IFI16: variants seen among roughly 807,000 people sequenced by gnomAD.
The protein encoded by IFI16 is interferon gamma inducible protein 16, also known as gamma-interferon-inducible protein 16.
IFI16 carries 49 observed loss-of-function variants against 68.4 expected under a neutral mutation model. That is an observed-to-expected ratio of 0.72 (90% CI 0.57 to 0.91). The LOEUF (loss-of-function observed/expected upper bound fraction) is 0.91. Ranked by LOEUF, IFI16 falls within the 40% of genes least tolerant of loss-of-function variation. IFI16 has a pLI of 0.00. For synonymous variants in IFI16, 307 were observed against 315.0 expected, an observed-to-expected ratio of 0.97 and a Z score of 0.27; for missense variants, 878 against 942.9, an observed-to-expected ratio of 0.93 and a Z score of 0.90.
rs753509741 is a variant in IFI16, at chr1:159,053,503, C to T, written c.2086-30C>T. On this transcript the variant is annotated intron_variant, in intron 10 of 11. Coordinates refer to ENST00000295809, the MANE Select transcript of IFI16 (RefSeq NM_001376587.1). Reference sequence around the variant, plus strand: ...GATTTGAAAATTATTGATCCAGTTTCAGAAGATAAGTGTTAATTTTCTTTT... The same window carrying T: ...GATTTGAAAATTATTGATCCAGTTTTAGAAGATAAGTGTTAATTTTCTTTT... 6.9e-6 allele frequency: 10 copies of T among 1,457,246 alleles called. No homozygotes were observed. The South Asian group carries it at 7.1e-5, about 10-fold the overall frequency. The allele number at this position is 1,457,246 out of a possible 1,614,324, so 90.3% of individuals were successfully genotyped here.
chr1:159,016,021 C>A, intron 3 of IFI16, 34 bp downstream of exon 3: 1 of 1,386,954 alleles, frequency 7.2e-7, no homozygotes, highest in East Asian at 2.3e-5. Context: ...GCTTCAAGTC[C>A]CACAGAGGAA....
upstream of IFI16, among the ~76,000 whole-genome samples, chr1:159,002,785 T>C (rs1242571015): frequency 3.9e-5 from 6 of 152,156 alleles, no homozygotes; most frequent in Admixed American, 2.0e-4. Flanking sequence ...TAAACATATG[T>C]TGAATCAACT....
rs1202127113 is a variant in IFI16 at position 159,053,402 on chromosome 1, C to G, written c.2086-131C>G. 1.1e-5 allele frequency: 6 copies of G among 543,002 alleles called. No homozygotes were observed. The Admixed American group carries it at 2.0e-4, about 18-fold the overall frequency. 33.6% of individuals were successfully genotyped at this position (543,002 alleles called of 1,614,324 possible). On this transcript the variant is annotated intron_variant, in intron 10 of 11. Transcript: ENST00000295809. ...ACCAAGTATCTTAAGCTATTTGGTACCTGTTATTCAGGACCTACAGCTCTG... is the reference window on the plus strand; with the variant it reads ...ACCAAGTATCTTAAGCTATTTGGTAGCTGTTATTCAGGACCTACAGCTCTG...
At chr1:159,050,727 C>T (rs1655302978) in intron 9 of IFI16, among the ~76,000 whole-genome samples, 1 of 151,972 alleles carries the variant, frequency 6.6e-6, no homozygotes, top group African/African-American at 2.4e-5. Context: ...ACAGTGCAGG[C>T]CACTGTGGAG....
chr1:159,016,469 T>G, intron 3 of IFI16, 64 bp from the exon 4 acceptor site: 1 of 1,412,734 alleles, frequency 7.1e-7, no homozygotes, highest in Non-Finnish European at 9.6e-7. Flanking sequence ...TATCCAATAA[T>G]GAAAATGTGC....
At chr1:159,044,303 C>T (rs780785959) in intron 7 of IFI16, among the ~76,000 whole-genome samples, 2 of 152,088 alleles carry the variant, frequency 1.3e-5, no homozygotes, top group Non-Finnish European at 2.9e-5. Context: ...AAATGTGAAC[C>T]TTTAATGAGC....
chr1:159,052,693 G>C (rs920286022), intron 10 of IFI16: 1 of 150,668 alleles, frequency 6.6e-6, no homozygotes, highest in South Asian at 2.1e-4. Flanking sequence ...AGAGAAATAC[G>C]AAGCAAAAAG....
At chr1:159,035,859 A>T (rs1772408) in intron 7 of IFI16, among the ~76,000 whole-genome samples, 1 of 151,958 alleles carries the variant, frequency 6.6e-6, no homozygotes, top group African/African-American at 2.4e-5. Flanking sequence ...AAAAAATTAC[A>T]TAGTGATTTA....
upstream of IFI16, among the ~76,000 whole-genome samples, chr1:159,003,980 T>G (rs1162679729): frequency 1.3e-5 from 2 of 152,142 alleles, no homozygotes; most frequent in East Asian, 3.9e-4. Context: ...TATTTTGCAT[T>G]TCTGACACTC....
rs142015261 is a variant in IFI16, at chr1:159,022,504, G to A, written c.1161+1975G>A. Among the ~76,000 whole-genome samples, 535 of 152,284 alleles carry A rather than the reference G, an allele frequency of 3.5e-3. 2 individuals carry two copies. The highest frequency in any genetic ancestry group is 0.011 in the African/African-American group (470 of 41,548). On this transcript the variant is annotated intron_variant, in intron 6 of 11. Coordinates refer to ENST00000295809, the MANE Select transcript of IFI16 (RefSeq NM_001376587.1). ...GTTCGGTTTCCATTGGCTGGGACGG[G>A]ACCTCACCTTCTGTATTTGTCCCGA...
intron 7 of IFI16, among the ~76,000 whole-genome samples, chr1:159,036,533 T>C (rs1654339136): frequency 6.6e-6 from 1 of 152,224 alleles, no homozygotes; most frequent in Non-Finnish European, 1.5e-5. Context: ...AGCTTGAGCA[T>C]TTAATGATCA....
At chr1:159,003,242 A>T (rs902469380), upstream of IFI16, among the ~76,000 whole-genome samples, 1 of 152,234 alleles carries the variant, frequency 6.6e-6, no homozygotes, top group Non-Finnish European at 1.5e-5. Flanking sequence ...CTTTCAGACT[A>T]AGCTGATAGA....
chr1:159,031,877 C>T (rs1186775088), intron 6 of IFI16, among the ~76,000 whole-genome samples: 2 of 152,050 alleles, frequency 1.3e-5, no homozygotes, highest in Non-Finnish European at 2.9e-5. Flanking sequence ...GGTGGGGAAC[C>T]AATATAATGC....
chr1:159,035,434 C>G (rs3768519), intron 7 of IFI16, among the ~76,000 whole-genome samples: 24,993 of 152,156 alleles, frequency 0.16, 2,360 homozygotes, highest in East Asian at 0.3. Flanking sequence ...ATTTCTAAGT[C>G]CCACCTGCTA....
In IFI16 at chr1:159,032,590, C is replaced by T; in HGVS notation, c.1228C>T (p.Gln410Ter). The change falls in exon 7 of 12, where the codon CAG becomes TAG. Residue 410 changes from glutamine (Q) to a stop codon, truncating the protein, a stop_gained. Coordinates refer to ENST00000295809, the MANE Select transcript of IFI16 (RefSeq NM_001376587.1). LOFTEE classifies it high-confidence loss of function. ...KSMKLPQEQR[Q>*]LPYPSEASTT... is the part of the protein sequence containing the mutation. Reference sequence around the variant, plus strand: ...CATGAAGCTACCCCAGGAACAGCGTCAGCTTCCATATCCTTCAGAGGCCAG... The same window carrying T: ...CATGAAGCTACCCCAGGAACAGCGTTAGCTTCCATATCCTTCAGAGGCCAG... The T allele has an allele frequency of 1.9e-6, 3 of 1,612,176 alleles. No individual in the cohort carries two copies. The highest frequency in any genetic ancestry group is 1.1e-5 in the South Asian group (1 of 90,912).
rs1652806609 is a variant in IFI16, at chr1:159,014,644, A to G, written c.-20-17A>G. Reference sequence around the variant, plus strand: ...TGTATACATGTGTAACACTGTATATACCATTTTCTCTTGTAGGCTCACTTA... The same window carrying G: ...TGTATACATGTGTAACACTGTATATGCCATTTTCTCTTGTAGGCTCACTTA... On this transcript the variant is annotated splice_polypyrimidine_tract_variant and intron_variant, in intron 1 of 11. Transcript: ENST00000295809. The G allele has an allele frequency of 6.5e-7, 1 of 1,531,952 alleles. No individual in the cohort carries two copies. The highest frequency in any genetic ancestry group is 2.0e-5 in the Admixed American group (1 of 51,214). 94.9% of individuals were successfully genotyped at this position (1,531,952 alleles called of 1,614,324 possible). A position where few individuals can be genotyped will look rare whatever the true frequency, so the allele number is the denominator to read the frequency against.
chr1:159,026,963 A>T (rs2101854214), intron 6 of IFI16, among the ~76,000 whole-genome samples: 1 of 152,292 alleles, frequency 6.6e-6, no homozygotes, highest in South Asian at 2.1e-4. Flanking sequence ...GTATACAATC[A>T]TATCATCAGC....
chr1:159,009,804 C>G (rs1407104418), upstream of IFI16: 1 of 152,144 alleles, frequency 6.6e-6, no homozygotes. Flanking sequence ...TTCCCCTCAC[C>G]ACATGCTCCA....
chr1:159,015,969 G>C lies in IFI16; in HGVS notation c.363G>C (p.Glu121Asp), dbSNP rs367582070. The C allele has an allele frequency of 2.5e-6, 4 of 1,613,506 alleles. No homozygotes were observed. Among genetic ancestry groups the C allele is most frequent in the Non-Finnish European group, 3.4e-6 (4 of 1,179,430 alleles). ...GCACTGTCAAAACTGAAGGAGCAGAGGCAACTCCTGGAGCTCAGGTAAGCT... is the reference window on the plus strand; with the variant it reads ...GCACTGTCAAAACTGAAGGAGCAGACGCAACTCCTGGAGCTCAGGTAAGCT... ...TSSTVKTEGA[E>D]ATPGAQKRKK... Residue 121 changes from glutamate (E) to aspartate (D), a missense_variant, in exon 3 of 12, where the codon GAG (glutamate) becomes GAC (aspartate). This residue lies in a region of IFI16 where 443 missense variants were observed against 421.8 expected (regional missense o/e 1.05). Transcript: ENST00000295809.
Sources: allele counts gnomAD v4.1 joint callset (sites outside exome capture counted in the v4.1 genomes callset), GRCh38; gene constraint gnomAD v4.1.1; regional missense constraint gnomAD v4.1.1; transcripts MANE v1.5; gene names NCBI Gene and HGNC (gene_info 2026-07-23, HGNC 2026-07-21).